The following CUBN variants were observed in gnomAD, a reference collection of about 807,000 sequenced individuals.
The protein encoded by CUBN is 460 kDa receptor.
In CUBN, 282 loss-of-function variants were observed where a neutral mutation model predicts 405.3. That is an observed-to-expected ratio of 0.70 (90% CI 0.63 to 0.77). The LOEUF (loss-of-function observed/expected upper bound fraction) is 0.77, where lower values mean the gene tolerates loss of function less well. Among genes scored for constraint, CUBN ranks in the 30% least tolerant of loss-of-function variants. The pLI is 0.00. For missense variants in CUBN, 4,514 were observed against 4,475.2 expected (o/e 1.01, Z -0.25); for synonymous variants, 1,684 against 1,617.0 (o/e 1.04, Z -0.99).
chr10:16,900,266 T>C (rs1388750059), intron 53 of CUBN, among the ~76,000 whole-genome samples: 1 of 152,244 alleles, frequency 6.6e-6, no homozygotes, highest in Non-Finnish European at 1.5e-5. Flanking sequence ...TTCCAACTCA[T>C]GTTTCTATTA....
chr10:17,079,677 G>C (rs546768949), intron 17 of CUBN, among the ~76,000 whole-genome samples: 1 of 152,222 alleles, frequency 6.6e-6, no homozygotes, highest in East Asian at 1.9e-4. Flanking sequence ...TGGTGTGTTT[G>C]CTTGCTCCAG....
At chr10:17,123,748 T>C in intron 4 of CUBN, 59 bp from the exon 5 acceptor site, 2 of 1,168,022 alleles carry the variant, frequency 1.7e-6, no homozygotes, top group Non-Finnish European at 2.6e-6. Flanking sequence ...ACAAAACGCA[T>C]GTTACCGTGC....
At chr10:16,835,258 A>G (rs1056224479) in intron 63 of CUBN, 63 bp from the exon 64 acceptor site, 4 of 1,318,058 alleles carry the variant, frequency 3.0e-6, no homozygotes, top group Non-Finnish European at 4.4e-6. Context: ...TTTCAACTTC[A>G]CAGGAATCAT....
chr10:17,009,718 C>T lies in CUBN; in HGVS notation c.4168+10115G>A, dbSNP rs1834127898. ...CTGTCTCTGGATATTGGAACCCAGG[C>T]ATGGGCACTTTTTAAAACTCCCAGG... On this transcript the variant is annotated intron_variant, in intron 28 of 66. Coordinates refer to ENST00000377833, the MANE Select transcript of CUBN (RefSeq NM_001081.4). Among the ~76,000 whole-genome samples, 2 of 152,232 alleles carry T rather than the reference C, an allele frequency of 1.3e-5. 1 individual carries two copies. Among genetic ancestry groups the T allele is most frequent in the South Asian group, 4.1e-4 (2 of 4,834 alleles).
chr10:17,029,322 T>C (rs1328766353), intron 27 of CUBN, among the ~76,000 whole-genome samples: 2 of 152,246 alleles, frequency 1.3e-5, no homozygotes, highest in Non-Finnish European at 2.9e-5. Flanking sequence ...AAAGGGATTC[T>C]GATCACACTG....
intron 31 of CUBN, among the ~76,000 whole-genome samples, chr10:16,974,571 C>A (rs1833036777): frequency 6.6e-6 from 1 of 152,016 alleles, no homozygotes; most frequent in Non-Finnish European, 1.5e-5. Flanking sequence ...CGGGGTTTCA[C>A]CATGTTAGCC....
chr10:17,002,099 G>C (rs922161638), intron 28 of CUBN, among the ~76,000 whole-genome samples: 4 of 152,164 alleles, frequency 2.6e-5, no homozygotes, highest in African/African-American at 9.7e-5. Context: ...AACAAATATG[G>C]CAACATTTAA....
intron 27 of CUBN, among the ~76,000 whole-genome samples, chr10:17,024,758 G>A (rs926038665): frequency 5.9e-5 from 9 of 151,970 alleles, no homozygotes; most frequent in East Asian, 1.9e-4. Flanking sequence ...TGCCCACCTC[G>A]GCTTCCCAAA....
chr10:16,845,957 C>G (rs933283067), intron 60 of CUBN, among the ~76,000 whole-genome samples: 2 of 152,176 alleles, frequency 1.3e-5, no homozygotes, highest in African/African-American at 2.4e-5. Context: ...TAGTAATTCA[C>G]AGGACAGTTT....
chr10:16,829,069 A>C (rs1838885972), intron 65 of CUBN, 29 bp from the exon 66 acceptor site: 6 of 1,557,172 alleles, frequency 3.9e-6, no homozygotes, highest in Non-Finnish European at 5.3e-6. Context: ...AGGAAGTTTG[A>C]TTCAACAGCA....
At chr10:17,087,466 C>CTTTTT (rs879308596) in intron 15 of CUBN, among the ~76,000 whole-genome samples, 50 of 79,756 alleles carry the variant, frequency 6.3e-4, no homozygotes, top group South Asian at 8.8e-4. Context: ...TATTATTTTT[C>CTTTTT]TTTTTCTTTT....
At chr10:17,117,866 A>C (rs925456906) in intron 6 of CUBN, among the ~76,000 whole-genome samples, 51 of 152,226 alleles carry the variant, frequency 3.4e-4, no homozygotes, top group African/African-American at 1.2e-3. Context: ...CAGACAATGT[A>C]CTAACTCCCT....
intron 22 of CUBN, among the ~76,000 whole-genome samples, chr10:17,051,067 G>A (rs1246192575): frequency 2.0e-5 from 3 of 151,402 alleles, no homozygotes. Context: ...TAAAAAAAAA[G>A]AGAGAAAATA....
At chr10:16,843,489 T>G (rs1466045719) in intron 60 of CUBN, among the ~76,000 whole-genome samples, 1 of 152,202 alleles carries the variant, frequency 6.6e-6, no homozygotes, top group Non-Finnish European at 1.5e-5. Context: ...AACTTAAACA[T>G]GATTTTAGTT....
chr10:17,072,955 C>T (rs1835773935), intron 17 of CUBN, among the ~76,000 whole-genome samples: 2 of 151,972 alleles, frequency 1.3e-5, no homozygotes, highest in South Asian at 4.2e-4. Context: ...AATAATTATT[C>T]CCATCCCACC....
intron 21 of CUBN, among the ~76,000 whole-genome samples, chr10:17,067,385 A>G (rs1247090601): frequency 6.6e-6 from 1 of 152,168 alleles, no homozygotes; most frequent in Non-Finnish European, 1.5e-5. Flanking sequence ...ACACTTGGTA[A>G]AGTTAATAGC....
At chr10:17,070,485 T>C (rs981381954) in intron 19 of CUBN, among the ~76,000 whole-genome samples, 1 of 152,228 alleles carries the variant, frequency 6.6e-6, no homozygotes, top group African/African-American at 2.4e-5. Flanking sequence ...TATTGTCTTC[T>C]AATCCATGAA....
At chr10:16,933,005 G>T in intron 40 of CUBN, 82 bp downstream of exon 40, 1 of 1,393,086 alleles carries the variant, frequency 7.2e-7, no homozygotes, top group Non-Finnish European at 1.0e-6. Context: ...ACGGATGGAG[G>T]CAGTATGCAA....
rs766927544 is a variant in CUBN, at chr10:16,840,355, T to C, written c.10007A>G (p.Tyr3336Cys). The part of the protein sequence containing the change: ...QLTSQDCTQN[Y>C]LQLQDSPQGH... ...CTGCGGTGAGTCCTGAAGCTGTAAG[T>C]AATTCTGCGTGCAGTCTTGCGAGGT... is the stretch of plus-strand genomic sequence containing the variant. Residue 3336 changes from tyrosine (Y) to cysteine (C), a missense_variant, in exon 62 of 67, where the codon TAC becomes TGC. This residue lies in a region of CUBN where 1,186 missense variants were observed against 1,186.9 expected (regional missense o/e 1.00). Coordinates refer to ENST00000377833, the MANE Select transcript of CUBN (RefSeq NM_001081.4). The C allele has an allele frequency of 2.5e-6, 4 of 1,614,116 alleles. No homozygotes were observed. The highest frequency in any genetic ancestry group is 1.7e-5 in the Admixed American group (1 of 60,016).
Sources: gnomAD v4.1 joint callset for allele counts (sites outside exome capture counted in the v4.1 genomes callset) on GRCh38, gnomAD v4.1.1 for gene constraint, gnomAD v4.1.1 regional missense constraint, MANE v1.5 for transcripts, NCBI Gene and HGNC (gene_info 2026-07-23, HGNC 2026-07-21) for gene names.